DHRSX: variants seen among roughly 807,000 people sequenced by gnomAD.
DHRSX encodes polyprenol dehydrogenase.
DHRSX carries 31 observed loss-of-function variants against 34.0 expected under a neutral mutation model. The observed-to-expected ratio is 0.91, with a 90% CI of 0.69 to 1.23. The LOEUF is 1.23. Ranked by LOEUF, DHRSX falls within the 50% of genes most tolerant of loss-of-function variation. The probability of loss-of-function intolerance (pLI) is 0.00; values close to 1 mark genes in which losing one functional copy is unlikely to be tolerated. For missense variants in DHRSX, 414 were observed against 428.1 expected, an observed-to-expected ratio of 0.97 and a Z score of 0.29; for synonymous variants, 201 against 183.8, an observed-to-expected ratio of 1.09 and a Z score of -0.76.
At chrX:2,371,634 G>GTTACCATAGTCCACACTCCTCCCC (rs1198734610) in intron 3 of DHRSX, among the ~76,000 whole-genome samples, 2 of 138,084 alleles carry the variant, frequency 1.4e-5, no homozygotes, top group South Asian at 2.3e-4. Flanking sequence ...TCCTCCTCCC[G>GTTACCATAGTCCACACTCCTCCCC]TTACCATAGT....
At chrX:2,381,415 T>A (rs2043201113) in intron 3 of DHRSX, among the ~76,000 whole-genome samples, 1 of 151,962 alleles carries the variant, frequency 6.6e-6, no homozygotes, top group Non-Finnish European at 1.5e-5. Context: ...ACTTCTAGCC[T>A]CCAGAAGTGT....
chrX:2,380,300 CAAAAAAAAAAAAAAAAA>C (rs60910908), intron 3 of DHRSX, among the ~76,000 whole-genome samples: 4 of 41,602 alleles, frequency 9.6e-5, no homozygotes, highest in Non-Finnish European at 1.8e-4. Flanking sequence ...GACTCCGTCT[CAAAAAAAAAAAAAAAAA>C]AAAAAAAAAG....
intron 3 of DHRSX, among the ~76,000 whole-genome samples, chrX:2,402,744 T>C (rs1404099750): frequency 1.3e-5 from 2 of 152,176 alleles, no homozygotes; most frequent in Non-Finnish European, 2.9e-5. Context: ...TAGGTGTATA[T>C]ATTTATGGGA....
chrX:2,385,201 C>CCATCACCAT (rs1488566128), intron 3 of DHRSX, among the ~76,000 whole-genome samples: 1 of 151,562 alleles, frequency 6.6e-6, no homozygotes, highest in African/African-American at 2.4e-5. Flanking sequence ...ACCATCATTA[C>CCATCACCAT]CATCACCATC....
chrX:2,484,170 A>C (rs1177130800), intron 1 of DHRSX, among the ~76,000 whole-genome samples: 1 of 151,866 alleles, frequency 6.6e-6, no homozygotes, highest in Non-Finnish European at 1.5e-5. Flanking sequence ...ATGGGGTTTC[A>C]CCATGTTGGC....
At chrX:2,249,927 G>A (rs1238911452) in intron 5 of DHRSX, among the ~76,000 whole-genome samples, 1 of 151,692 alleles carries the variant, frequency 6.6e-6, no homozygotes, top group African/African-American at 2.4e-5. Context: ...ACTTTGGGAG[G>A]CCAAGGCTGG....
intron 3 of DHRSX, among the ~76,000 whole-genome samples, chrX:2,315,814 G>C (rs1033969187): frequency 2.6e-5 from 4 of 152,134 alleles, no homozygotes; most frequent in Admixed American, 2.6e-4. Flanking sequence ...CAGGCATGCT[G>C]AATTGGGAGG....
chrX:2,305,588 C>T (rs1020153241), intron 3 of DHRSX, among the ~76,000 whole-genome samples: 9 of 152,160 alleles, frequency 5.9e-5, no homozygotes, highest in African/African-American at 1.4e-4. Flanking sequence ...TTGGAACCAA[C>T]GCAAATGCCC....
At chrX:2,253,126 G>C (rs866777348) in intron 5 of DHRSX, among the ~76,000 whole-genome samples, 105 of 152,386 alleles carry the variant, frequency 6.9e-4, no homozygotes, top group African/African-American at 1.6e-3. Flanking sequence ...AGGCGCACAT[G>C]GCAGCAAGCC....
chrX:2,287,636 C>T (rs755201403), intron 4 of DHRSX, among the ~76,000 whole-genome samples: 1 of 152,116 alleles, frequency 6.6e-6, no homozygotes, highest in East Asian at 1.9e-4. Context: ...AGAATAATGG[C>T]CCCAAAGATG....
chrX:2,414,201 A>G (rs2043666428), intron 2 of DHRSX, among the ~76,000 whole-genome samples: 1 of 151,942 alleles, frequency 6.6e-6, no homozygotes, highest in African/African-American at 2.4e-5. Context: ...TCGTGACCTA[A>G]CTAACTCTCA....
chrX:2,455,496 C>T (rs1267954751), intron 1 of DHRSX, among the ~76,000 whole-genome samples: 1 of 151,918 alleles, frequency 6.6e-6, no homozygotes, highest in Non-Finnish European at 1.5e-5. Flanking sequence ...AATCCCAGCA[C>T]TTTGGGAGGG....
intron 3 of DHRSX, among the ~76,000 whole-genome samples, chrX:2,356,122 T>C (rs998187145): frequency 1.2e-4 from 18 of 150,376 alleles, no homozygotes; most frequent in Admixed American, 1.3e-4. Context: ...GCACCTGTAA[T>C]CCCAGCACTT....
intron 1 of DHRSX, among the ~76,000 whole-genome samples, chrX:2,485,781 A>AAGGAAGGAAGGGAAGGGAGGGAAGG (rs2044893992): frequency 8.5e-5 from 1 of 11,714 alleles, no homozygotes. Context: ...GGAAGGGAGA[A>AAGGAAGGAAGGGAAGGGAGGGAAGG]AAGGGAGAGA....
At chrX:2,486,078 C>T (rs777211403) in intron 1 of DHRSX, among the ~76,000 whole-genome samples, 5 of 152,026 alleles carry the variant, frequency 3.3e-5, no homozygotes, top group Admixed American at 1.3e-4. Context: ...TGATGCCATC[C>T]GGATCCATCC....
At chrX:2,249,515 T>C (rs2016384970) in intron 5 of DHRSX, among the ~76,000 whole-genome samples, 1 of 84,186 alleles carries the variant, frequency 1.2e-5, no homozygotes, top group Non-Finnish European at 2.0e-5. Flanking sequence ...TTTTGTGCCT[T>C]TTTTTTTTTT....
chrX:2,399,031 C>G (rs1180763473), intron 3 of DHRSX, among the ~76,000 whole-genome samples: 4 of 151,924 alleles, frequency 2.6e-5, no homozygotes, highest in East Asian at 1.9e-4. Context: ...TTTTTTTGTA[C>G]TTTTAGTAGA....
chrX:2,262,189 T>C (rs1442192710), intron 5 of DHRSX, among the ~76,000 whole-genome samples: 1 of 152,124 alleles, frequency 6.6e-6, no homozygotes, highest in Non-Finnish European at 1.5e-5. Flanking sequence ...GGCAAACCCT[T>C]CAGCATGGAG....
intron 1 of DHRSX, among the ~76,000 whole-genome samples, chrX:2,433,446 TTACATAGGTA>T (rs1418822703): frequency 6.6e-6 from 1 of 151,634 alleles, no homozygotes; most frequent in Admixed American, 6.6e-5. Flanking sequence ...CGCAGGTTTG[TTACATAGGTA>T]TACATGTGCC....
Sources: gnomAD v4.1 joint callset for allele counts (sites outside exome capture counted in the v4.1 genomes callset) on GRCh38, gnomAD v4.1.1 for gene constraint, MANE v1.5 for transcripts, NCBI Gene and HGNC (gene_info 2026-07-23, HGNC 2026-07-21) for gene names.